The following CFAP96 variants were observed in gnomAD, a reference collection of about 807,000 sequenced individuals.
CFAP96 encodes the protein cilia and flagella associated protein 96, also known as cilia-and flagella-associated protein 96.
At chr4:185,413,899 AAG>A in the CFAP96 span, 3 of 1,564,958 alleles carry the variant, frequency 1.9e-6, no homozygotes, top group Non-Finnish European at 2.6e-6. Context: ...TCAACAGAAA[AAG>A]AAAAAATGTT....
chr4:185,412,854 C>T, the CFAP96 span, among the ~76,000 whole-genome samples: 3 of 152,088 alleles, frequency 2.0e-5, no homozygotes, highest in Non-Finnish European at 4.4e-5. Context: ...TCTTGGATGC[C>T]TTATAAGGTC....
At chr4:185,425,904 T>C in the CFAP96 span, 202 of 1,584,812 alleles carry the variant, frequency 1.3e-4, no homozygotes, top group Non-Finnish European at 1.6e-4. Flanking sequence ...CGCTGACGCC[T>C]GCCCAAAAGT....
chr4:185,409,079 A>G, the CFAP96 span, among the ~76,000 whole-genome samples: 1 of 152,118 alleles, frequency 6.6e-6, no homozygotes, highest in African/African-American at 2.4e-5. Context: ...CTTCTACAAC[A>G]CGCCTGGCAC....
At chr4:185,436,611 G>A in the CFAP96 span, among the ~76,000 whole-genome samples, 4 of 152,076 alleles carry the variant, frequency 2.6e-5, no homozygotes, top group African/African-American at 9.6e-5. Flanking sequence ...TCAGGAGGCT[G>A]AGGCAGGAGA....
At chr4:185,412,920 A>G in the CFAP96 span, among the ~76,000 whole-genome samples, 22 of 152,014 alleles carry the variant, frequency 1.4e-4, no homozygotes, top group Non-Finnish European at 1.6e-4. Flanking sequence ...CCCTCCGCCA[A>G]TTCACTCTTA....
the CFAP96 span, chr4:185,413,842 C>T: frequency 7.5e-6 from 12 of 1,609,958 alleles, no homozygotes; most frequent in Admixed American, 3.4e-5. Context: ...TAGGGTCTGT[C>T]GTGAGGCAGA....
the CFAP96 span, among the ~76,000 whole-genome samples, chr4:185,433,200 A>G: frequency 9.2e-5 from 14 of 152,116 alleles, no homozygotes; most frequent in Admixed American, 7.2e-4. Context: ...TGAGACTTAA[A>G]ACGTAATGTT....
chr4:185,428,562 A>G, the CFAP96 span, among the ~76,000 whole-genome samples: 1 of 51,538 alleles, frequency 1.9e-5, no homozygotes, highest in African/African-American at 6.8e-5. Flanking sequence ...TGTCTAAAAA[A>G]AAAAAAAACA....
chr4:185,449,724 G>C, the CFAP96 span: 1 of 979,864 alleles, frequency 1.0e-6, no homozygotes, highest in Non-Finnish European at 1.5e-6. Flanking sequence ...AAAAATATAA[G>C]ATGTTATGGA....
chr4:185,445,466 TTC>T, the CFAP96 span: 3 of 1,470,598 alleles, frequency 2.0e-6, no homozygotes, highest in Non-Finnish European at 2.8e-6. Flanking sequence ...CATTGGCTAT[TTC>T]TCGAAGGGAG....
At chr4:185,427,180 G>T in the CFAP96 span, among the ~76,000 whole-genome samples, 1 of 152,236 alleles carries the variant, frequency 6.6e-6, no homozygotes, top group South Asian at 2.1e-4. Flanking sequence ...GCAGATGCGG[G>T]GATACCGTGA....
the CFAP96 span, among the ~76,000 whole-genome samples, chr4:185,422,785 GGGA>G: frequency 4.6e-5 from 7 of 152,250 alleles, no homozygotes; most frequent in East Asian, 7.7e-4. Context: ...AAATCACCTG[GGGA>G]GCTTGAAATA....
the CFAP96 span, among the ~76,000 whole-genome samples, chr4:185,440,365 A>G: frequency 2.0e-5 from 3 of 152,172 alleles, no homozygotes; most frequent in African/African-American, 4.8e-5. Context: ...GTCTGTAAGT[A>G]GGCATATCTT....
chr4:185,435,951 CT>C, the CFAP96 span: 7 of 1,003,932 alleles, frequency 7.0e-6, no homozygotes, highest in African/African-American at 1.7e-5. Flanking sequence ...ATTTTTTTCT[CT>C]TTTTTTCAAT....
chr4:185,423,652 G>A, the CFAP96 span, among the ~76,000 whole-genome samples: 1 of 152,146 alleles, frequency 6.6e-6, no homozygotes, highest in African/African-American at 2.4e-5. Context: ...AACTTATAAA[G>A]GGAAAAGAGC....
At chr4:185,425,925 G>A in the CFAP96 span, 55 of 1,566,324 alleles carry the variant, frequency 3.5e-5, no homozygotes, top group Non-Finnish European at 4.7e-5. Context: ...TCCGGGGGCC[G>A]GCCCTGAAGT....
the CFAP96 span, chr4:185,415,482 C>T: frequency 2.3e-6 from 2 of 852,346 alleles, no homozygotes; most frequent in Non-Finnish European, 3.4e-6. Context: ...CTGAATTATA[C>T]ATTATAAAAG....
At chr4:185,448,089 C>T in the CFAP96 span, among the ~76,000 whole-genome samples, 144 of 151,684 alleles carry the variant, frequency 9.5e-4, 1 homozygote, top group Middle Eastern at 0.017. Flanking sequence ...GGTGTGATCT[C>T]GGCTCACTGC....
chr4:185,432,056 G>A, the CFAP96 span: 19 of 1,551,498 alleles, frequency 1.2e-5, no homozygotes, highest in Admixed American at 2.0e-5. Flanking sequence ...AGATCTTCAG[G>A]CAGGTTATTT....
Sources: allele counts gnomAD v4.1 joint callset (sites outside exome capture counted in the v4.1 genomes callset), GRCh38; gene constraint gnomAD v4.1.1; transcripts MANE v1.5; gene names NCBI Gene and HGNC (gene_info 2026-07-23, HGNC 2026-07-21).